SLC15A5: variants seen among roughly 807,000 people sequenced by gnomAD.
SLC15A5 encodes the protein Peptide/histidine transporter ENSP00000340402.
Under a neutral mutation model 56.1 loss-of-function variants are expected in SLC15A5, and 58 were observed. The ratio of observed to expected loss-of-function variants is 1.03; its 90% CI spans 0.84 to 1.29. The LOEUF (loss-of-function observed/expected upper bound fraction) is 1.29, where lower values mean the gene tolerates loss of function less well. Ranked by LOEUF, SLC15A5 falls within the 50% of genes most tolerant of loss-of-function variation. SLC15A5 has a pLI of 0.00. For synonymous variants in SLC15A5, 264 were observed against 250.5 expected (o/e 1.05, Z -0.51); for missense variants, 681 against 672.1 (o/e 1.01, Z -0.15).
At chr12:16,222,560 G>A (rs1038643730) in intron 6 of SLC15A5, among the ~76,000 whole-genome samples, 3 of 152,168 alleles carry the variant, frequency 2.0e-5, no homozygotes, top group Admixed American at 2.0e-4. Context: ...TAATGGAAAA[G>A]CTAGATATCA....
rs1016293853 is a variant in SLC15A5, at chr12:16,256,882, A to T, written c.754+819T>A. The stretch of plus-strand genomic sequence containing the variant: ...TCAAAAAAAAAAAATAATAATAATA[A>T]TAAATTAAATAGAGATAGAGATGCA... On this transcript the variant is annotated intron_variant, in intron 3 of 8. Coordinates refer to ENST00000344941, the MANE Select transcript of SLC15A5 (RefSeq NM_001170798.1). Among the ~76,000 whole-genome samples the T allele has an allele frequency of 2.7e-5, 4 of 146,282 alleles. No individual in the cohort carries two copies. In the Admixed American group the frequency reaches 2.8e-4, roughly 10 times the overall value.
chr12:16,225,687 GAC>G (rs1281634842), intron 5 of SLC15A5, among the ~76,000 whole-genome samples: 1 of 152,106 alleles, frequency 6.6e-6, no homozygotes, highest in Non-Finnish European at 1.5e-5. Context: ...GCAGCCAACA[GAC>G]ACATGAAAAA....
At position 16,269,994 on chromosome 12, in the gene SLC15A5, G is replaced by A. The variant is rs1399095250; in HGVS notation, c.584+2567C>T. ...TTGTCCATCTCAGCTTTTGGAATATGTGGAAAGCCAGGCTCTGATCTGGAT... is the reference window on the plus strand; with the variant it reads ...TTGTCCATCTCAGCTTTTGGAATATATGGAAAGCCAGGCTCTGATCTGGAT... On this transcript the variant is annotated intron_variant, in intron 2 of 8. Coordinates refer to ENST00000344941, the MANE Select transcript of SLC15A5 (RefSeq NM_001170798.1). The surrounding 1 kb of genome is among the most constrained non-coding windows in gnomAD (Gnocchi z 4.7). 6.6e-6 allele frequency among the ~76,000 whole-genome samples: 1 copy of A among 152,186 alleles called. No homozygotes were observed. The highest frequency in any genetic ancestry group is 1.5e-5 in the Non-Finnish European group (1 of 68,026).
At chr12:16,227,092 A>G (rs964923494) in intron 5 of SLC15A5, among the ~76,000 whole-genome samples, 2 of 152,174 alleles carry the variant, frequency 1.3e-5, no homozygotes, top group Admixed American at 1.3e-4. Flanking sequence ...TCCCCAAGAA[A>G]TCAAAGGTGT....
At chr12:16,205,330 T>C (rs1414325069) in intron 7 of SLC15A5, among the ~76,000 whole-genome samples, 2 of 151,648 alleles carry the variant, frequency 1.3e-5, no homozygotes, top group African/African-American at 2.4e-5. Flanking sequence ...GATGCAGTCT[T>C]TTAGAAGTCA....
intron 5 of SLC15A5, among the ~76,000 whole-genome samples, chr12:16,236,037 T>C (rs1167674584): frequency 2.0e-5 from 3 of 152,158 alleles, no homozygotes; most frequent in Non-Finnish European, 4.4e-5. Flanking sequence ...AATTTAAATG[T>C]TATTTAAAAG....
intron 7 of SLC15A5, among the ~76,000 whole-genome samples, chr12:16,216,194 C>T (rs183352097): frequency 1.1e-4 from 17 of 152,198 alleles, no homozygotes; most frequent in Admixed American, 8.5e-4. Flanking sequence ...GATATATCGA[C>T]ATTTTAGAAC....
chr12:16,208,591 C>G (rs1349441396), intron 7 of SLC15A5, among the ~76,000 whole-genome samples: 1 of 152,104 alleles, frequency 6.6e-6, no homozygotes, highest in African/African-American at 2.4e-5. Flanking sequence ...CCTTTGAGCC[C>G]AGGAGTTTAA....
rs1171578122 is a variant in SLC15A5 at position 16,193,837 on chromosome 12, GAGAGAGA to G, written c.1592+501_1592+507del. 4.6e-4 allele frequency among the ~76,000 whole-genome samples: 66 copies of G among 142,062 alleles called. 3 individuals are homozygous for G. The highest frequency in any genetic ancestry group is 1.8e-3 in the African/African-American group (64 of 35,628). The allele number at this position is 142,062 out of a possible 152,430, so 93.2% of individuals were successfully genotyped here. A position where few individuals can be genotyped will look rare whatever the true frequency, so the allele number is the denominator to read the frequency against. ...AGAGAGAGAGAGAGAGAGAGAGAGA[GAGAGAGA>G]GGCTGGCAATGGATGGGTGGATGGA... is the stretch of plus-strand genomic sequence containing the variant. On this transcript the variant is annotated intron_variant, in intron 8 of 8. Transcript: ENST00000344941.
chr12:16,214,626 T>A (rs1241008598), intron 7 of SLC15A5, among the ~76,000 whole-genome samples: 4 of 152,190 alleles, frequency 2.6e-5, no homozygotes, highest in Non-Finnish European at 4.4e-5. Flanking sequence ...TGAGCTCACC[T>A]GGTTGGCATT....
chr12:16,228,840 A>C (rs371186244), intron 5 of SLC15A5, among the ~76,000 whole-genome samples: 11 of 42,358 alleles, frequency 2.6e-4, no homozygotes, highest in Middle Eastern at 0.028. Context: ...ATGTATATTG[A>C]TTGTTTATGT....
At chr12:16,230,757 C>CA (rs59876940) in intron 5 of SLC15A5, among the ~76,000 whole-genome samples, 25,549 of 129,150 alleles carry the variant, frequency 0.2, 2,660 homozygotes, top group Non-Finnish European at 0.24. Context: ...ACTAAAAATA[C>CA]AAAAAAAAAA....
intron 7 of SLC15A5, among the ~76,000 whole-genome samples, chr12:16,198,262 A>G (rs1018129434): frequency 1.3e-5 from 2 of 152,158 alleles, no homozygotes; most frequent in Non-Finnish European, 2.9e-5. Flanking sequence ...TTTTTTGTGT[A>G]CCAGAAAATG....
chr12:16,189,809 A>G lies in SLC15A5; in HGVS notation c.1599T>C (p.Cys533=). 6.7e-7 allele frequency: 1 copy of G among 1,488,424 alleles called. No homozygotes were observed. Among genetic ancestry groups the G allele is most frequent in the Non-Finnish European group, 8.9e-7 (1 of 1,124,396 alleles). The allele number at this position is 1,488,424 out of a possible 1,614,324, so 92.2% of individuals were successfully genotyped here. ...TCTGGGCATTAAAATGATTTAGATTACAATATCTAAAAAAGAAAGAAAGAA... is the reference window on the plus strand; with the variant it reads ...TCTGGGCATTAAAATGATTTAGATTGCAATATCTAAAAAAGAAAGAAAGAA... ...LGFCSVSQRY[C]NLNHFNAQNI... The change falls in exon 9 of 9, where the codon TGT becomes TGC. Residue 533 remains cysteine, a synonymous_variant. Coordinates refer to ENST00000344941, the MANE Select transcript of SLC15A5 (RefSeq NM_001170798.1).
chr12:16,239,968 G>A, intron 4 of SLC15A5, 101 bp from the exon 5 acceptor site: 1 of 1,027,692 alleles, frequency 9.7e-7, no homozygotes, highest in South Asian at 1.7e-5. Context: ...ACTCTGTGAT[G>A]GATGAGCTGG....
At chr12:16,270,281 C>T (rs569122374) in intron 2 of SLC15A5, among the ~76,000 whole-genome samples, 4 of 152,106 alleles carry the variant, frequency 2.6e-5, no homozygotes, top group Non-Finnish European at 5.9e-5. Context: ...TTAAAGGTCC[C>T]ATAACTATGA....
intron 2 of SLC15A5, among the ~76,000 whole-genome samples, chr12:16,259,024 C>CTTTTTTTT (rs5796661): frequency 1.9e-4 from 12 of 63,232 alleles, no homozygotes; most frequent in East Asian, 1.7e-3. Flanking sequence ...TCTTTCTTTC[C>CTTTTTTTT]TTTTTTTTTT....
chr12:16,253,630 G>A (rs1218174434), intron 3 of SLC15A5, among the ~76,000 whole-genome samples: 1 of 152,030 alleles, frequency 6.6e-6, no homozygotes, highest in African/African-American at 2.4e-5. Context: ...CAGCATTTTG[G>A]GAGGATGAGG....
intron 7 of SLC15A5, among the ~76,000 whole-genome samples, chr12:16,200,542 A>G (rs1863945040): frequency 6.6e-6 from 1 of 152,116 alleles, no homozygotes; most frequent in African/African-American, 2.4e-5. Flanking sequence ...AGATCACAAC[A>G]TTGTTTAGTA....
Sources: allele counts gnomAD v4.1 joint callset (sites outside exome capture counted in the v4.1 genomes callset), GRCh38; gene constraint gnomAD v4.1.1; non-coding constraint Gnocchi (gnomAD v3.1); transcripts MANE v1.5; gene names NCBI Gene and HGNC (gene_info 2026-07-23, HGNC 2026-07-21).